CLEC12A: variants seen among roughly 807,000 people sequenced by gnomAD.
CLEC12A encodes C-type lectin protein CLL-1.
CLEC12A carries 22 observed loss-of-function variants against 26.5 expected under a neutral mutation model. That is an observed-to-expected ratio of 0.83 (90% CI 0.59 to 1.19). The LOEUF is 1.19. Among genes scored for constraint, CLEC12A ranks in the 50% most tolerant of loss-of-function variants. CLEC12A has a pLI of 0.00. For missense variants in CLEC12A, 353 were observed against 315.6 expected (o/e 1.12, Z -0.90); for synonymous variants, 119 against 101.9 (o/e 1.17, Z -1.01).
At chr12:9,972,494 C>G (rs1864168678) in intron 1 of CLEC12A, among the ~76,000 whole-genome samples, 1 of 152,058 alleles carries the variant, frequency 6.6e-6, no homozygotes, top group Non-Finnish European at 1.5e-5. Context: ...CTAGCGAATC[C>G]ATAGTTTAAA....
chr12:9,980,437 A>C (rs76986016), intron 3 of CLEC12A, 145 bp from the exon 4 acceptor site: 51 of 601,882 alleles, frequency 8.5e-5, no homozygotes, highest in Non-Finnish European at 1.2e-4. Context: ...GACTCTGTCA[A>C]AAAAAAAAAA....
chr12:9,985,183 T>C lies in CLEC12A; in HGVS notation c.*157T>C. 1.3e-6 allele frequency: 1 copy of C among 772,614 alleles called. No individual in the cohort carries two copies. Among genetic ancestry groups the C allele is most frequent in the Non-Finnish European group, 1.8e-6 (1 of 548,896 alleles). The allele number at this position is 772,614 out of a possible 1,614,324, so 47.9% of individuals were successfully genotyped here. A position where few individuals can be genotyped will look rare whatever the true frequency, so the allele number is the denominator to read the frequency against. On this transcript the variant is annotated 3_prime_UTR_variant, in exon 6 of 6. Coordinates refer to ENST00000304361, the MANE Select transcript of CLEC12A (RefSeq NM_138337.6). The stretch of plus-strand genomic sequence containing the variant: ...TCCAGGTAGCAAGCTTCAGAGAGAA[T>C]AGACTGTGAATGTTAATGCCAGAGA...
intron 1 of CLEC12A, among the ~76,000 whole-genome samples, chr12:9,974,570 C>T (rs951706338): frequency 6.6e-6 from 1 of 152,002 alleles, no homozygotes; most frequent in African/African-American, 2.4e-5. Flanking sequence ...CTCCAGACAG[C>T]CTCATCTCAT....
intron 3 of CLEC12A, 86 bp downstream of exon 3, chr12:9,979,610 A>G: frequency 9.9e-7 from 1 of 1,012,418 alleles, no homozygotes; most frequent in Non-Finnish European, 1.4e-6. Flanking sequence ...ATTAGCTAGC[A>G]GCCTTTCTCT....
At chr12:9,965,751 G>C (rs1451663901) in intron 1 of CLEC12A, among the ~76,000 whole-genome samples, 3 of 152,030 alleles carry the variant, frequency 2.0e-5, no homozygotes, top group African/African-American at 7.3e-5. Context: ...GCTTTAAAAG[G>C]CCATGCTGTA....
chr12:9,996,091 G>A (rs921817946), downstream of CLEC12A, among the ~76,000 whole-genome samples: 2 of 152,128 alleles, frequency 1.3e-5, no homozygotes, highest in African/African-American at 4.8e-5. Flanking sequence ...AAAATGACTT[G>A]AGCTTCTTGA....
At chr12:9,997,386 G>A, downstream of CLEC12A, 2 of 944,654 alleles carry the variant, frequency 2.1e-6, no homozygotes, top group Non-Finnish European at 3.1e-6. Flanking sequence ...TATATGAGGA[G>A]TTTACTAGAT....
At chr12:9,983,411 AT>A in intron 5 of CLEC12A, 1 of 615,184 alleles carries the variant, frequency 1.6e-6, no homozygotes, top group Non-Finnish European at 2.9e-6. Context: ...TAAATATACT[AT>A]TTTAAGTGGA....
chr12:9,961,158 G>T (rs1863821483), intron 1 of CLEC12A, among the ~76,000 whole-genome samples: 1 of 152,194 alleles, frequency 6.6e-6, no homozygotes, highest in East Asian at 1.9e-4. Context: ...CTGGGTTGTG[G>T]TAAGAGGTTG....
At chr12:9,974,929 G>A (rs375936005) in intron 1 of CLEC12A, among the ~76,000 whole-genome samples, 8 of 152,168 alleles carry the variant, frequency 5.3e-5, no homozygotes, top group East Asian at 1.9e-4. Context: ...TCATGGGAGC[G>A]GGTTTTTCCC....
chr12:9,980,279 A>G (rs623269), intron 3 of CLEC12A, among the ~76,000 whole-genome samples: 86,872 of 151,556 alleles, frequency 0.57, 25,363 homozygotes, highest in East Asian at 0.84. Flanking sequence ...GGATTCACTT[A>G]CTTCCCCTTC....
At chr12:9,958,257 T>C (rs1402310355) in intron 1 of CLEC12A, among the ~76,000 whole-genome samples, 1 of 152,234 alleles carries the variant, frequency 6.6e-6, no homozygotes, top group Admixed American at 6.5e-5. Flanking sequence ...GAAGATCCGG[T>C]TGATACAGAA....
chr12:9,958,475 C>T (rs914949481), intron 1 of CLEC12A, among the ~76,000 whole-genome samples: 2 of 152,156 alleles, frequency 1.3e-5, no homozygotes, highest in African/African-American at 2.4e-5. Flanking sequence ...ATGTAAGCCA[C>T]GGGGGACTGG....
At chr12:9,989,236 A>G (rs1430775046), downstream of CLEC12A, among the ~76,000 whole-genome samples, 2 of 144,618 alleles carry the variant, frequency 1.4e-5, no homozygotes, top group Non-Finnish European at 3.0e-5. Context: ...GGGGGGAGGG[A>G]TAGCATTAGG....
rs562054161 is a variant in CLEC12A, at chr12:9,965,600, A to C, written c.11-5977A>C. Among the ~76,000 whole-genome samples, 3 of 152,100 alleles carry C rather than the reference A, an allele frequency of 2.0e-5. No homozygotes were observed. In the South Asian group the frequency reaches 6.2e-4, roughly 32 times the overall value. ...TGGGTTGTGGAGGGAGATATTGAGGATAGGAGAGTATATGGATTTGGCACC... is the reference window on the plus strand; with the variant it reads ...TGGGTTGTGGAGGGAGATATTGAGGCTAGGAGAGTATATGGATTTGGCACC... On this transcript the variant is annotated intron_variant, in intron 1 of 6. Transcript: ENST00000355690.
Position 9,952,330 on chromosome 12 carries a change from C to A in CLEC12A, c.10+974C>A, listed in dbSNP as rs1591806057. ...CCTGCCGAGTGCCTGCGATTGCAGGCACGCACCACCACGCCTGACTGGTTT... is the reference window on the plus strand; with the variant it reads ...CCTGCCGAGTGCCTGCGATTGCAGGAACGCACCACCACGCCTGACTGGTTT... On this transcript the variant is annotated intron_variant, in intron 1 of 6. Coordinates refer to the CLEC12A transcript ENST00000355690. 2.0e-5 allele frequency among the ~76,000 whole-genome samples: 3 copies of A among 150,994 alleles called. No homozygotes were observed. In the South Asian group the frequency reaches 6.4e-4, roughly 32 times the overall value.
rs926989654 is a variant in CLEC12A at position 9,979,473 on chromosome 12, C to G, written c.328C>G (p.Leu110Val). 1.2e-6 allele frequency: 2 copies of G among 1,613,360 alleles called. No homozygotes were observed. The highest frequency in any genetic ancestry group is 2.7e-5 in the African/African-American group (2 of 74,904). ...CAAGATCAGGAACCTCTCCACCACA[C>G]TGCAAACAATAGCCACCAAATTATG... ...SNKIRNLSTT[L>V]QTIATKLCRE... The change falls in exon 3 of 6, where the codon CTG becomes GTG. Residue 110 changes from leucine (L) to valine (V), a missense_variant. Physicochemically the swap from Leu to Val is conservative, Grantham distance 32. Transcript: ENST00000304361.
chr12:9,981,344 A>C (rs1864547332), intron 4 of CLEC12A, among the ~76,000 whole-genome samples: 2 of 152,108 alleles, frequency 1.3e-5, no homozygotes, highest in Admixed American at 1.3e-4. Flanking sequence ...TGTTACACTT[A>C]TTACATAGCA....
At chr12:9,973,959 A>ATT (rs1774517194) in intron 1 of CLEC12A, among the ~76,000 whole-genome samples, 2 of 152,092 alleles carry the variant, frequency 1.3e-5, no homozygotes, top group African/African-American at 4.8e-5. Context: ...TTCCATTATT[A>ATT]TTTAACTTCT....
Sources: allele counts gnomAD v4.1 joint callset (sites outside exome capture counted in the v4.1 genomes callset), GRCh38; gene constraint gnomAD v4.1.1; transcripts MANE v1.5; gene names NCBI Gene and HGNC (gene_info 2026-07-23, HGNC 2026-07-21).